USP49: variants seen among roughly 807,000 people sequenced by gnomAD.
USP49 encodes the protein ubiquitin specific peptidase 49, also known as ubiquitin carboxyl-terminal hydrolase 49.
A neutral mutation model predicts 58.6 loss-of-function variants in USP49; 24 were observed. The observed-to-expected ratio is 0.41, with a 90% CI of 0.30 to 0.58. The LOEUF (loss-of-function observed/expected upper bound fraction) is 0.58, where lower values mean the gene tolerates loss of function less well. Among genes scored for constraint, USP49 ranks in the 20% least tolerant of loss-of-function variants. The probability of loss-of-function intolerance (pLI) is 0.30; values close to 1 mark genes in which losing one functional copy is unlikely to be tolerated. For synonymous variants in USP49, 408 were observed against 365.1 expected, an observed-to-expected ratio of 1.12 and a Z score of -1.34; for missense variants, 703 against 866.1, an observed-to-expected ratio of 0.81 and a Z score of 2.36.
At chr6:41,860,899 G>C (rs1774209766) in intron 3 of USP49, among the ~76,000 whole-genome samples, 1 of 152,140 alleles carries the variant, frequency 6.6e-6, no homozygotes, top group Non-Finnish European at 1.5e-5. Context: ...GGGAGGCCGA[G>C]ACAGGCAGAT....
Position 41,806,578 on chromosome 6 carries a change from G to A in USP49, c.406C>T (p.Gln136Ter). 1 of 1,604,684 alleles carries A rather than the reference G, an allele frequency of 6.2e-7. No individual in the cohort carries two copies. The highest frequency in any genetic ancestry group is 8.5e-7 in the Non-Finnish European group (1 of 1,178,428). The change falls in exon 4 of 8, where the codon CAG (glutamine) becomes TAG (stop). Residue 136 changes from glutamine (Q) to a stop codon, truncating the protein, a stop_gained. Transcript: ENST00000682992. LOFTEE classifies it high-confidence loss of function. The surrounding 1 kb of genome is among the most constrained non-coding windows in gnomAD (Gnocchi z 5.9). ...CACAGAGCCGTGAGCATCTGCGGCT[G>A]TCCCTGAGGAGCGCGCTGCGGCAGG... ...VVLPQRAPQG[Q>*]PQMLTALWYR...
intron 6 of USP49, 96 bp downstream of exon 6, chr6:41,799,734 C>T: frequency 8.2e-6 from 9 of 1,101,384 alleles, no homozygotes; most frequent in Non-Finnish European, 1.1e-5. Context: ...CAGGCTTCCC[C>T]TCCCAACACC....
chr6:41,875,074 G>C (rs1187373050), intron 2 of USP49, among the ~76,000 whole-genome samples: 2 of 152,118 alleles, frequency 1.3e-5, no homozygotes, highest in Admixed American at 1.3e-4. Flanking sequence ...TTCTTTGATA[G>C]CTCCCTAATA....
At chr6:41,845,011 C>T (rs984271766) in intron 3 of USP49, among the ~76,000 whole-genome samples, 2 of 152,062 alleles carry the variant, frequency 1.3e-5, no homozygotes, top group Non-Finnish European at 2.9e-5. Flanking sequence ...AGCGATTCTC[C>T]TGCCTCAGCC....
chr6:41,890,690 CATA>C (rs1774797540), intron 2 of USP49, among the ~76,000 whole-genome samples: 1 of 152,044 alleles, frequency 6.6e-6, no homozygotes, highest in Admixed American at 6.6e-5. Flanking sequence ...TCATAATAAT[CATA>C]ATAATAATAT....
chr6:41,854,043 G>C (rs143034904), intron 3 of USP49, among the ~76,000 whole-genome samples: 1 of 147,834 alleles, frequency 6.8e-6, no homozygotes, highest in Non-Finnish European at 1.5e-5. Context: ...TAGGCCAGGA[G>C]GGGTGGCTCA....
Position 41,806,301 on chromosome 6 carries a change from G to T in USP49, c.683C>A (p.Ala228Asp), listed in dbSNP as rs750131155. 56 of 1,585,756 alleles carry T rather than the reference G, an allele frequency of 3.5e-5. No homozygotes were observed. The highest frequency in any genetic ancestry group is 4.8e-5 in the Non-Finnish European group (56 of 1,171,622). Residue 228 changes from alanine (A) to aspartate (D), a missense_variant, in exon 4 of 8, where the codon GCC becomes GAC. By Grantham distance (126) the Ala-to-Asp change is moderately radical. Around this residue, in one of 6 missense-constraint regions of USP49, gnomAD observed 376 missense variants for 373.5 expected, o/e 1.01. Coordinates refer to ENST00000682992, the MANE Select transcript of USP49 (RefSeq NM_001286554.2). This position sits in a 1 kb window ranked among gnomAD's most constrained non-coding sequence, Gnocchi z 5.9. ...DAGPAASRPA[A>D]LPTSRRVPAA... is the part of the protein sequence containing the mutation. ...GGGCACTCTGCGTGAGGTAGGGAGG[G>T]CGGCGGGGCGCGAGGCAGCCGGGCC...
rs115260442 is a variant in USP49, at chr6:41,796,414, A to C, written c.*119T>G. 3.3e-6 allele frequency: 2 copies of C among 612,482 alleles called. No individual in the cohort carries two copies. The highest frequency in any genetic ancestry group is 1.9e-5 in the African/African-American group (1 of 54,046). 37.9% of individuals were successfully genotyped at this position (612,482 alleles called of 1,614,324 possible). A position where few individuals can be genotyped will look rare whatever the true frequency, so the allele number is the denominator to read the frequency against. ...GGACACGAATCACCTGGCACCTTCT[A>C]CTCTAGACCCAGCAAGGCAAACCTA... On this transcript the variant is annotated 3_prime_UTR_variant, in exon 8 of 8. Transcript: ENST00000682992.
Position 41,796,391 on chromosome 6 carries a change from A to G in USP49, c.*142T>C. On this transcript the variant is annotated 3_prime_UTR_variant, in exon 8 of 8. Transcript: ENST00000682992. ...AAGAGACTATAAAATTTACGACAGG[A>G]CACGAATCACCTGGCACCTTCTACT... 1 of 557,596 alleles carries G rather than the reference A, an allele frequency of 1.8e-6. No individual in the cohort carries two copies. Among genetic ancestry groups the G allele is most frequent in the Non-Finnish European group, 3.3e-6 (1 of 307,370 alleles). The allele number at this position is 557,596 out of a possible 1,614,324, so 34.5% of individuals were successfully genotyped here.
At position 41,803,934 on chromosome 6, in the gene USP49, C is replaced by T. The variant is rs376707041; in HGVS notation, c.1433G>A (p.Arg478His). The T allele has an allele frequency of 3.1e-6, 5 of 1,613,994 alleles. No homozygotes were observed. Among genetic ancestry groups the T allele is most frequent in the Admixed American group, 1.7e-5 (1 of 60,000 alleles). Residue 478 changes from arginine (R) to histidine (H), a missense_variant, in exon 5 of 8, where the codon CGC becomes CAC. Physicochemically the swap from Arg to His is conservative, Grantham distance 29. Coordinates refer to ENST00000682992, the MANE Select transcript of USP49 (RefSeq NM_001286554.2). The surrounding 1 kb of genome is among the most constrained non-coding windows in gnomAD (Gnocchi z 4.1). ...AAACCCCTTTTCTATGCAGTGATAG[C>T]GTTCAGGGAATTCCAGGGATAGGTC... ...FWDLSLEFPE[R>H]YHCIEKGFVP...
chr6:41,872,034 T>C (rs1180608702), intron 2 of USP49, among the ~76,000 whole-genome samples: 1 of 152,220 alleles, frequency 6.6e-6, no homozygotes, highest in African/African-American at 2.4e-5. Context: ...GTAAGCAAAA[T>C]ATATAACAAG....
intron 2 of USP49, among the ~76,000 whole-genome samples, chr6:41,882,110 A>G (rs1774618965): frequency 6.6e-6 from 1 of 152,156 alleles, no homozygotes; most frequent in Non-Finnish European, 1.5e-5. Context: ...CCATATCTTA[A>G]GAAATACTAG....
At chr6:41,890,433 C>T (rs115716218) in intron 2 of USP49, among the ~76,000 whole-genome samples, 1 of 151,226 alleles carries the variant, frequency 6.6e-6, no homozygotes, top group Admixed American at 6.6e-5. Context: ...TATTAGGAGG[C>T]CAGGCGCGGT....
At chr6:41,804,103 C>CTA in intron 4 of USP49, 93 bp from the exon 5 acceptor site, 2 of 1,122,816 alleles carry the variant, frequency 1.8e-6, no homozygotes, top group Non-Finnish European at 2.5e-6. Context: ...TTTATCAAAA[C>CTA]TAAGTGTATA....
At chr6:41,802,479 ATTT>A (rs11323812) in intron 5 of USP49, among the ~76,000 whole-genome samples, 875 of 79,496 alleles carry the variant, frequency 0.011, 27 homozygotes, top group African/African-American at 0.032. Flanking sequence ...TTTTTTATTT[ATTT>A]TTTTTTTTTG....
Position 41,792,919 on chromosome 6 carries a change from C to A in USP49, c.*3614G>T, listed in dbSNP as rs1772821707. 6.6e-6 allele frequency: 1 copy of A among 152,196 alleles called. No homozygotes were observed. The highest frequency in any genetic ancestry group is 6.5e-5 in the Admixed American group (1 of 15,274). The allele number at this position is 152,196 out of a possible 1,614,324, so 9.4% of individuals were successfully genotyped here. On this transcript the variant is annotated 3_prime_UTR_variant, in exon 8 of 8. Transcript: ENST00000682992. Reference sequence around the variant, plus strand: ...GCTTTATCAGTAAGTAGAACAAACTCCATTTCTCCCTCCCGGCCAGCCCAC... The same window carrying A: ...GCTTTATCAGTAAGTAGAACAAACTACATTTCTCCCTCCCGGCCAGCCCAC...
intron 3 of USP49, among the ~76,000 whole-genome samples, chr6:41,865,620 C>G (rs997646164): frequency 6.6e-6 from 1 of 150,988 alleles, no homozygotes; most frequent in Non-Finnish European, 1.5e-5. Context: ...GGATTATAGG[C>G]ATGAGCCACC....
chr6:41,809,508 GAGCAAGACTCCGTC>G (rs919165422), intron 3 of USP49, among the ~76,000 whole-genome samples: 1 of 151,924 alleles, frequency 6.6e-6, no homozygotes, highest in African/African-American at 2.4e-5. Context: ...CTGGAGGACA[GAGCAAGACTCCGTC>G]TCAAAAAGAA....
At chr6:41,864,915 A>C (rs1231707122) in intron 3 of USP49, among the ~76,000 whole-genome samples, 1 of 152,196 alleles carries the variant, frequency 6.6e-6, no homozygotes, top group Non-Finnish European at 1.5e-5. Context: ...TAAATAAATT[A>C]CAGGGTTTGG....
Sources: gnomAD v4.1 joint callset for allele counts (sites outside exome capture counted in the v4.1 genomes callset) on GRCh38, gnomAD v4.1.1 for gene constraint, gnomAD v4.1.1 regional missense constraint, Gnocchi (gnomAD v3.1) non-coding constraint, MANE v1.5 for transcripts, NCBI Gene and HGNC (gene_info 2026-07-23, HGNC 2026-07-21) for gene names.